RARB: variants seen among roughly 807,000 people sequenced by gnomAD.
RARB encodes the protein retinoic acid receptor beta, also known as HBV-activated protein.
In RARB, 17 loss-of-function variants were observed where a neutral mutation model predicts 51.9. The ratio of observed to expected loss-of-function variants is 0.33; its 90% CI spans 0.22 to 0.49. The LOEUF is 0.49. Among genes scored for constraint, RARB ranks in the 20% least tolerant of loss-of-function variants. RARB has a pLI of 0.99. For synonymous variants in RARB, 215 were observed against 195.4 expected (o/e 1.10, Z -0.84); for missense variants, 369 against 550.8 (o/e 0.67, Z 3.30).
At chr3:25,516,806 T>C (rs1046133528) in intron 3 of RARB, among the ~76,000 whole-genome samples, 4 of 152,148 alleles carry the variant, frequency 2.6e-5, no homozygotes, top group African/African-American at 9.7e-5. Context: ...TTTGTATTTT[T>C]AGCAGAAATA....
At chr3:25,103,835 TTC>T (rs770872678) in intron 3 of RARB, among the ~76,000 whole-genome samples, 60 of 152,362 alleles carry the variant, frequency 3.9e-4, no homozygotes, top group South Asian at 1.7e-3. Context: ...TTTTCATTCT[TTC>T]TGTGTCTCTG....
intron 5 of RARB, among the ~76,000 whole-genome samples, chr3:25,404,656 G>A (rs116734135): frequency 0.016 from 2,475 of 152,240 alleles, 62 homozygotes; most frequent in African/African-American, 0.057. Context: ...GTGGAAGCAG[G>A]GGCATGGCGG....
At chr3:24,836,329 C>T (rs868170105) in intron 1 of RARB, among the ~76,000 whole-genome samples, 3 of 152,164 alleles carry the variant, frequency 2.0e-5, no homozygotes, top group South Asian at 4.1e-4. Flanking sequence ...GCAATCAGTG[C>T]TGTGTGTCTT....
intron 5 of RARB, among the ~76,000 whole-genome samples, chr3:25,322,317 G>C (rs567332706): frequency 6.6e-6 from 1 of 152,250 alleles, no homozygotes; most frequent in South Asian, 2.1e-4. Flanking sequence ...AAAGAAAGTT[G>C]AGATTGCAAA....
At chr3:24,884,650 A>C (rs144790791) in intron 2 of RARB, among the ~76,000 whole-genome samples, 2 of 152,146 alleles carry the variant, frequency 1.3e-5, no homozygotes, top group African/African-American at 4.8e-5. Flanking sequence ...TATTATTTCT[A>C]GATTTCTTTG....
chr3:25,057,385 G>T (rs545983926), intron 2 of RARB, among the ~76,000 whole-genome samples: 1 of 151,958 alleles, frequency 6.6e-6, no homozygotes, highest in Non-Finnish European at 1.5e-5. Flanking sequence ...TCACTATTCT[G>T]GCCGTTTTTC....
chr3:25,387,095 C>T (rs1413325188), intron 5 of RARB, among the ~76,000 whole-genome samples: 1 of 152,180 alleles, frequency 6.6e-6, no homozygotes, highest in African/African-American at 2.4e-5. Flanking sequence ...GCAATTGTCA[C>T]TCTTGAGTCA....
At chr3:25,089,426 T>C (rs1167849526) in intron 3 of RARB, among the ~76,000 whole-genome samples, 4 of 151,868 alleles carry the variant, frequency 2.6e-5, no homozygotes, top group Non-Finnish European at 5.9e-5. Context: ...CAGGGATAAA[T>C]AAAGGAAGTA....
rs534466873 is a variant in RARB at position 25,457,725 on chromosome 3, G to A, written c.158-3468G>A. Among the ~76,000 whole-genome samples the A allele has an allele frequency of 4.6e-5, 7 of 152,304 alleles. No individual in the cohort carries two copies. In the South Asian group the frequency reaches 1.4e-3, roughly 32 times the overall value. The stretch of plus-strand genomic sequence containing the variant: ...ACTCCCTTCAGTGCATGTGTTTGAA[G>A]TGGCATATTTATGGAAATTACTACC... On this transcript the variant is annotated intron_variant, in intron 1 of 7. Transcript: ENST00000330688.
At chr3:25,284,298 C>T (rs964916363) in intron 5 of RARB, among the ~76,000 whole-genome samples, 2 of 152,082 alleles carry the variant, frequency 1.3e-5, no homozygotes, top group Non-Finnish European at 2.9e-5. Flanking sequence ...GTAAGAGACC[C>T]TGAAGGTAAG....
At chr3:25,058,242 A>G (rs1311578823) in intron 2 of RARB, among the ~76,000 whole-genome samples, 1 of 151,924 alleles carries the variant, frequency 6.6e-6, no homozygotes, top group Admixed American at 6.6e-5. Flanking sequence ...TCAGTCATAA[A>G]GATTAATGGT....
At chr3:25,521,313 T>A (rs1698391889) in intron 3 of RARB, among the ~76,000 whole-genome samples, 1 of 152,174 alleles carries the variant, frequency 6.6e-6, no homozygotes, top group South Asian at 2.1e-4. Context: ...TTCTTAGAGT[T>A]CCTTCCTAGA....
At chr3:25,146,847 G>A (rs1252638637) in intron 4 of RARB, among the ~76,000 whole-genome samples, 1 of 152,034 alleles carries the variant, frequency 6.6e-6, no homozygotes, top group Admixed American at 6.5e-5. Flanking sequence ...CATTCTTTTG[G>A]CGCTTTCAGC....
chr3:24,944,776 G>A (rs1409000020), intron 2 of RARB, among the ~76,000 whole-genome samples: 1 of 152,170 alleles, frequency 6.6e-6, no homozygotes, highest in Admixed American at 6.5e-5. Flanking sequence ...TAACCATCTG[G>A]ATGACCATAT....
chr3:25,204,351 T>A lies in RARB; in HGVS notation c.178+29776T>A, dbSNP rs567568011. ...CTAATCTTTTTTCAAGGTTTTTAACTTCTTTGCCACGAGTTTGAACTTCTT... is the reference window on the plus strand; with the variant it reads ...CTAATCTTTTTTCAAGGTTTTTAACATCTTTGCCACGAGTTTGAACTTCTT... On this transcript the variant is annotated intron_variant, in intron 5 of 11. Transcript: ENST00000383772. Among the ~76,000 whole-genome samples the A allele has an allele frequency of 8.5e-5, 13 of 152,334 alleles. 1 individual carries two copies. The highest frequency in any genetic ancestry group is 8.5e-4 in the Admixed American group (13 of 15,300).
chr3:24,925,695 C>T (rs967900073), intron 2 of RARB, among the ~76,000 whole-genome samples: 4 of 143,920 alleles, frequency 2.8e-5, no homozygotes, highest in African/African-American at 1.0e-4. Context: ...TATGGTTTTG[C>T]AACTCCCTCT....
chr3:25,206,886 T>G (rs1232434264), intron 5 of RARB, among the ~76,000 whole-genome samples: 2 of 152,120 alleles, frequency 1.3e-5, no homozygotes, highest in Admixed American at 6.5e-5. Context: ...TGTTAGTGCC[T>G]CTCCAGTTGT....
At chr3:25,526,218 A>G (rs1188313272) in intron 3 of RARB, among the ~76,000 whole-genome samples, 1 of 152,180 alleles carries the variant, frequency 6.6e-6, no homozygotes, top group Non-Finnish European at 1.5e-5. Flanking sequence ...CTGGGAACCC[A>G]AATGAAAGAA....
chr3:25,597,603 C>G lies in RARB; in HGVS notation c.*987C>G, dbSNP rs1434506830. 6.6e-6 allele frequency: 1 copy of G among 152,166 alleles called. No individual in the cohort carries two copies. The highest frequency in any genetic ancestry group is 1.5e-5 in the Non-Finnish European group (1 of 67,940). 9.4% of individuals were successfully genotyped at this position (152,166 alleles called of 1,614,324 possible). On this transcript the variant is annotated 3_prime_UTR_variant, in exon 8 of 8. Coordinates refer to ENST00000330688, the MANE Select transcript of RARB (RefSeq NM_000965.5). The stretch of plus-strand genomic sequence containing the variant: ...TGCCTGATATTGGGATTTTTTTTTC[C>G]AGCCTTCTTGATGCCAAGGGGCTAA...
Sources: allele counts gnomAD v4.1 joint callset (sites outside exome capture counted in the v4.1 genomes callset), GRCh38; gene constraint gnomAD v4.1.1; transcripts MANE v1.5; gene names NCBI Gene and HGNC (gene_info 2026-07-23, HGNC 2026-07-21).